The following CCBE1 variants were observed in gnomAD, a reference collection of about 807,000 sequenced individuals.
CCBE1 encodes collagen and calcium binding EGF domains 1, also known as collagen and calcium-binding EGF domain-containing protein 1.
Under a neutral mutation model 50.0 loss-of-function variants are expected in CCBE1, and 37 were observed. That is an observed-to-expected ratio of 0.74 (90% CI 0.57 to 0.97). CCBE1 has a LOEUF of 0.97. Among genes scored for constraint, CCBE1 ranks in the 50% least tolerant of loss-of-function variants. The pLI is 0.00. For missense variants in CCBE1, 538 were observed against 523.8 expected, an observed-to-expected ratio of 1.03 and a Z score of -0.26; for synonymous variants, 234 against 203.7, an observed-to-expected ratio of 1.15 and a Z score of -1.27.
chr18:59,524,042 C>A (rs757019210), intron 2 of CCBE1, among the ~76,000 whole-genome samples: 1 of 152,158 alleles, frequency 6.6e-6, no homozygotes, highest in Non-Finnish European at 1.5e-5. Context: ...TTATTCAGGC[C>A]GGGCTTATTG....
intron 7 of CCBE1, among the ~76,000 whole-genome samples, chr18:59,443,469 C>CTT (rs11337100): frequency 5.5e-5 from 8 of 144,876 alleles, no homozygotes; most frequent in African/African-American, 1.0e-4. Flanking sequence ...AATTTGCCAA[C>CTT]TTTTTTTTTT....
rs2052797717 is a variant in CCBE1 at position 59,564,939 on chromosome 18, G to C, written c.213-84701C>G. Among the ~76,000 whole-genome samples, 12 of 152,346 alleles carry C rather than the reference G, an allele frequency of 7.9e-5. No individual in the cohort carries two copies. In the South Asian group the frequency reaches 2.5e-3, roughly 32 times the overall value. The stretch of plus-strand genomic sequence containing the variant: ...GTATATGTTCAAGCATCAGTCACAT[G>C]AATCTCAGCTAAAACCCATAAACAT... On this transcript the variant is annotated intron_variant, in intron 2 of 10. Coordinates refer to ENST00000439986, the MANE Select transcript of CCBE1 (RefSeq NM_133459.4).
chr18:59,626,747 T>C (rs988355090), intron 2 of CCBE1, among the ~76,000 whole-genome samples: 3 of 152,372 alleles, frequency 2.0e-5, no homozygotes, highest in South Asian at 2.1e-4. Context: ...TACTATGCTA[T>C]GCCACCTCTA....
chr18:59,452,104 G>A (rs185636890), intron 6 of CCBE1, among the ~76,000 whole-genome samples: 10 of 152,304 alleles, frequency 6.6e-5, no homozygotes, highest in South Asian at 2.1e-4. Flanking sequence ...TTGACCTGTC[G>A]TGTTTCCCAT....
chr18:59,538,999 A>G (rs1169679842), intron 2 of CCBE1, among the ~76,000 whole-genome samples: 1 of 151,858 alleles, frequency 6.6e-6, no homozygotes, highest in Admixed American at 6.6e-5. Flanking sequence ...GCAACATATC[A>G]AGATACCATC....
At chr18:59,500,401 G>A (rs554327963) in intron 2 of CCBE1, among the ~76,000 whole-genome samples, 1 of 152,206 alleles carries the variant, frequency 6.6e-6, no homozygotes, top group Non-Finnish European at 1.5e-5. Context: ...GGTCTTGGCA[G>A]TTTCCCTTTG....
chr18:59,612,140 G>C (rs1283570692), intron 2 of CCBE1, among the ~76,000 whole-genome samples: 1 of 152,158 alleles, frequency 6.6e-6, no homozygotes, highest in African/African-American at 2.4e-5. Context: ...AACAGGTTAA[G>C]AGCCACTGGG....
intron 2 of CCBE1, among the ~76,000 whole-genome samples, chr18:59,499,120 T>C (rs1026006648): frequency 6.6e-6 from 1 of 152,218 alleles, no homozygotes; most frequent in Non-Finnish European, 1.5e-5. Flanking sequence ...GATTCCTTCA[T>C]TTAATTCTAG....
At chr18:59,493,550 T>A (rs887705365) in intron 2 of CCBE1, among the ~76,000 whole-genome samples, 5 of 151,894 alleles carry the variant, frequency 3.3e-5, no homozygotes, top group Admixed American at 6.5e-5. Flanking sequence ...AAAAACTTTT[T>A]TTTTTTTAAC....
chr18:59,696,230 AAGAC>A (rs1157490590), intron 2 of CCBE1, among the ~76,000 whole-genome samples: 1 of 152,218 alleles, frequency 6.6e-6, no homozygotes, highest in Non-Finnish European at 1.5e-5. Flanking sequence ...AGAAGGTCAG[AAGAC>A]AGACAAGTGC....
chr18:59,649,219 C>A lies in CCBE1; in HGVS notation c.212+47410G>T, dbSNP rs138551069. Among the ~76,000 whole-genome samples the A allele has an allele frequency of 9.5e-4, 144 of 152,324 alleles. 3 individuals carry two copies. In the East Asian group the frequency reaches 0.02, roughly 21 times the overall value. The stretch of plus-strand genomic sequence containing the variant: ...ACAACAGCGGCCATCTGGAGATCTG[C>A]GCACTGCCCCTTGGAATCTGGTTGT... On this transcript the variant is annotated intron_variant, in intron 2 of 10. Coordinates refer to ENST00000439986, the MANE Select transcript of CCBE1 (RefSeq NM_133459.4).
At chr18:59,544,292 A>G (rs1022802131) in intron 2 of CCBE1, among the ~76,000 whole-genome samples, 2 of 152,166 alleles carry the variant, frequency 1.3e-5, no homozygotes, top group African/African-American at 4.8e-5. Flanking sequence ...CCATGGAACC[A>G]TAAAGCAAAA....
At chr18:59,465,875 C>T (rs1052497040) in intron 5 of CCBE1, among the ~76,000 whole-genome samples, 1 of 152,140 alleles carries the variant, frequency 6.6e-6, no homozygotes, top group Non-Finnish European at 1.5e-5. Context: ...AAGCTCTACT[C>T]ATTTCTCTAA....
intron 2 of CCBE1, among the ~76,000 whole-genome samples, chr18:59,563,405 C>A (rs573307114): frequency 2.8e-4 from 43 of 152,320 alleles, no homozygotes; most frequent in Non-Finnish European, 5.7e-4. Context: ...TAGCAAGCAT[C>A]CAGGGTATTT....
At chr18:59,507,861 T>C (rs888095639) in intron 2 of CCBE1, among the ~76,000 whole-genome samples, 3 of 151,998 alleles carry the variant, frequency 2.0e-5, no homozygotes, top group Admixed American at 6.6e-5. Flanking sequence ...GCAAGCAGTG[T>C]GTTATGTTAA....
At chr18:59,467,039 C>A in intron 4 of CCBE1, 148 bp from the exon 5 acceptor site, 1 of 704,432 alleles carries the variant, frequency 1.4e-6, no homozygotes, top group Non-Finnish European at 2.4e-6. Context: ...AAGTAGGGAG[C>A]TAGAAATGTG....
intron 5 of CCBE1, among the ~76,000 whole-genome samples, chr18:59,465,151 G>A (rs1171708764): frequency 1.3e-5 from 2 of 152,178 alleles, no homozygotes; most frequent in African/African-American, 4.8e-5. Context: ...TTGCTTCAAA[G>A]TTCACCCTTG....
intron 2 of CCBE1, among the ~76,000 whole-genome samples, chr18:59,484,533 C>A (rs1025915711): frequency 6.6e-6 from 1 of 152,218 alleles, no homozygotes; most frequent in East Asian, 1.9e-4. Flanking sequence ...TTAGGACTGT[C>A]CACGCAGTGG....
At position 59,466,884 on chromosome 18, in the gene CCBE1, A is replaced by G; in HGVS notation, c.408T>C (p.Asp136=). 6.2e-7 allele frequency: 1 copy of G among 1,612,768 alleles called. No homozygotes were observed. The highest frequency in any genetic ancestry group is 8.5e-7 in the Non-Finnish European group (1 of 1,179,292). The change falls in exon 5 of 11, where the codon GAT becomes GAC. Residue 136 remains aspartate, a synonymous_variant. Transcript: ENST00000439986. ...GCGTCCCATTGCTGCTGGCACACTC[A>G]TCAATATCTGGTTTGAACCAAATGT... ...KREKPYCLDI[D]ECASSNGTLC... is the part of the protein sequence containing the mutation.
Sources: allele counts gnomAD v4.1 joint callset (sites outside exome capture counted in the v4.1 genomes callset), GRCh38; gene constraint gnomAD v4.1.1; transcripts MANE v1.5; gene names NCBI Gene and HGNC (gene_info 2026-07-23, HGNC 2026-07-21).